Variants in LHFPL3 observed in about 807,000 individuals in gnomAD.
The protein encoded by LHFPL3 is LHFPL tetraspan subfamily member 3, also known as LHFPL tetraspan subfamily member 3 protein.
In LHFPL3, 5 loss-of-function variants were observed where a neutral mutation model predicts 19.3. The ratio of observed to expected loss-of-function variants is 0.26; its 90% CI spans 0.14 to 0.54. The LOEUF (loss-of-function observed/expected upper bound fraction) is 0.54. LHFPL3 is among the 20% of genes least tolerant of loss of function. The pLI, the probability that LHFPL3 is intolerant of heterozygous loss-of-function variation, is 0.94. For synonymous variants in LHFPL3, 133 were observed against 126.2 expected, an observed-to-expected ratio of 1.05 and a Z score of -0.36; for missense variants, 249 against 307.4, an observed-to-expected ratio of 0.81 and a Z score of 1.42.
intron 1 of LHFPL3, among the ~76,000 whole-genome samples, chr7:104,581,249 G>A (rs1268144460): frequency 6.6e-6 from 1 of 152,042 alleles, no homozygotes; most frequent in Non-Finnish European, 1.5e-5. Context: ...ATCTCACTGT[G>A]TTGTTTTAAA....
chr7:104,517,655 C>CA (rs1793947580), intron 1 of LHFPL3, among the ~76,000 whole-genome samples: 1 of 151,842 alleles, frequency 6.6e-6, no homozygotes. Context: ...TACAGGCGCC[C>CA]ACCACCATGC....
chr7:104,389,300 A>G (rs1329264137), intron 1 of LHFPL3, among the ~76,000 whole-genome samples: 1 of 152,232 alleles, frequency 6.6e-6, no homozygotes, highest in East Asian at 1.9e-4. Context: ...TAAAATATTC[A>G]GAAATACATT....
In LHFPL3 at chr7:104,666,512, C is replaced by CTTTTTTTTTTTTTTTTTTT. The variant is rs71155514; in HGVS notation, c.446-70154_446-70136dup. On this transcript the variant is annotated intron_variant, in intron 1 of 2. Transcript: ENST00000424859. ...TTGCTGAAAATGACAGGATTTCATT[C>CTTTTTTTTTTTTTTTTTTT]TTTTTTTTTTTTTTTTTTTTTTTTT... Among the ~76,000 whole-genome samples, 56 of 42,236 alleles carry CTTTTTTTTTTTTTTTTTTT rather than the reference C, an allele frequency of 1.3e-3. 17 individuals are homozygous for CTTTTTTTTTTTTTTTTTTT. Among genetic ancestry groups the CTTTTTTTTTTTTTTTTTTT allele is most frequent in the Non-Finnish European group, 2.3e-3 (50 of 22,202 alleles). 27.7% of individuals were successfully genotyped at this position (42,236 alleles called of 152,430 possible).
At chr7:104,688,680 G>C (rs1165112286) in intron 1 of LHFPL3, among the ~76,000 whole-genome samples, 1 of 152,114 alleles carries the variant, frequency 6.6e-6, no homozygotes, top group Non-Finnish European at 1.5e-5. Flanking sequence ...CCTCCCCTGA[G>C]GCAGTTGCCA....
chr7:104,387,694 C>T, intron 1 of LHFPL3, among the ~76,000 whole-genome samples: 1 of 152,154 alleles, frequency 6.6e-6, no homozygotes, highest in South Asian at 2.1e-4. Context: ...TGAAAAACAT[C>T]TATCTAGACA....
At chr7:104,549,706 C>T (rs773023293) in intron 1 of LHFPL3, among the ~76,000 whole-genome samples, 2 of 152,152 alleles carry the variant, frequency 1.3e-5, no homozygotes, top group South Asian at 2.1e-4. Context: ...TTTTGCTTAA[C>T]ATCTGTGTTC....
intron 2 of LHFPL3, among the ~76,000 whole-genome samples, chr7:104,763,214 A>G (rs1017295760): frequency 6.6e-6 from 1 of 152,208 alleles, no homozygotes; most frequent in Non-Finnish European, 1.5e-5. Flanking sequence ...CAGGAGAGAC[A>G]CTGTAAAGGT....
intron 1 of LHFPL3, among the ~76,000 whole-genome samples, chr7:104,440,141 A>G (rs932202100): frequency 6.6e-6 from 1 of 151,866 alleles, no homozygotes; most frequent in Non-Finnish European, 1.5e-5. Flanking sequence ...ACTAACTTGC[A>G]CATCGTGCAC....
intron 1 of LHFPL3, among the ~76,000 whole-genome samples, chr7:104,623,476 A>T (rs902171043): frequency 2.6e-5 from 4 of 152,180 alleles, no homozygotes; most frequent in African/African-American, 9.6e-5. Context: ...CTAAAAATAC[A>T]AAAACTAGCC....
intron 2 of LHFPL3, among the ~76,000 whole-genome samples, chr7:104,844,591 C>T (rs1021202466): frequency 4.6e-5 from 7 of 152,178 alleles, no homozygotes. Context: ...AAGTCCTTGA[C>T]TTTCACTTCT....
intron 1 of LHFPL3, among the ~76,000 whole-genome samples, chr7:104,734,790 T>C (rs991829609): frequency 1.3e-5 from 2 of 152,214 alleles, no homozygotes; most frequent in African/African-American, 4.8e-5. Flanking sequence ...GGAGGAGAGG[T>C]GCTCTGATTT....
At chr7:104,524,225 G>A (rs553242996) in intron 1 of LHFPL3, among the ~76,000 whole-genome samples, 2 of 152,266 alleles carry the variant, frequency 1.3e-5, no homozygotes, top group African/African-American at 4.8e-5. Context: ...CAGGATTGAT[G>A]GCAAGAGAAG....
rs1212743639 is a variant in LHFPL3, at chr7:104,430,424, A to ATATG, written c.445+101203_445+101204insGTAT. On this transcript the variant is annotated intron_variant, in intron 1 of 2. Coordinates refer to ENST00000424859, the MANE Select transcript of LHFPL3 (RefSeq NM_199000.3). ...TATATACATATATATATATACATAT[A>ATATG]TATATATATATATATATATATATAT... Among the ~76,000 whole-genome samples the ATATG allele has an allele frequency of 1.4e-3, 16 of 11,220 alleles. 1 individual carries two copies. The highest frequency in any genetic ancestry group is 3.2e-3 in the Non-Finnish European group (16 of 5,056). The allele number at this position is 11,220 out of a possible 152,430, so 7.4% of individuals were successfully genotyped here. A position where few individuals can be genotyped will look rare whatever the true frequency, so the allele number is the denominator to read the frequency against.
intron 1 of LHFPL3, among the ~76,000 whole-genome samples, chr7:104,615,757 T>C (rs1791321882): frequency 1.3e-5 from 2 of 150,986 alleles, no homozygotes; most frequent in East Asian, 2.0e-4. Flanking sequence ...CTCCCACTTA[T>C]GAGTGAGAAC....
intron 2 of LHFPL3, among the ~76,000 whole-genome samples, chr7:104,789,821 G>A (rs970349722): frequency 3.3e-5 from 5 of 152,044 alleles, no homozygotes; most frequent in African/African-American, 1.2e-4. Context: ...CCCTTCAAGA[G>A]AATTCCTCCC....
chr7:104,473,688 T>C (rs531354865), intron 1 of LHFPL3, among the ~76,000 whole-genome samples: 2 of 152,236 alleles, frequency 1.3e-5, no homozygotes, highest in East Asian at 1.9e-4. Context: ...AAACAGTCTC[T>C]ATCTGATGGG....
At chr7:104,590,707 G>T (rs986893269) in intron 1 of LHFPL3, among the ~76,000 whole-genome samples, 7 of 152,174 alleles carry the variant, frequency 4.6e-5, no homozygotes, top group Non-Finnish European at 7.3e-5. Context: ...AATGTTGACA[G>T]TGGGGTGTTA....
At chr7:104,607,325 T>C (rs950342579) in intron 1 of LHFPL3, among the ~76,000 whole-genome samples, 12 of 152,312 alleles carry the variant, frequency 7.9e-5, no homozygotes, top group Admixed American at 2.6e-4. Context: ...CATAATTTTG[T>C]AAATGGAGTT....
chr7:104,876,342 C>G (rs1447795293), intron 2 of LHFPL3, among the ~76,000 whole-genome samples: 2 of 152,252 alleles, frequency 1.3e-5, no homozygotes, highest in African/African-American at 2.4e-5. Flanking sequence ...AGTGAACAGG[C>G]AACCTACAGA....
Sources: gnomAD v4.1 joint callset for allele counts (sites outside exome capture counted in the v4.1 genomes callset) on GRCh38, gnomAD v4.1.1 for gene constraint, MANE v1.5 for transcripts, NCBI Gene and HGNC (gene_info 2026-07-23, HGNC 2026-07-21) for gene names.